RGS7BP: variants seen among roughly 807,000 people sequenced by gnomAD.
RGS7BP encodes regulator of G protein signaling 7 binding protein, also known as regulator of G protein signaling 7-binding protein.
In RGS7BP, 9 loss-of-function variants were observed where a neutral mutation model predicts 31.3. The ratio of observed to expected loss-of-function variants is 0.29; its 90% CI spans 0.17 to 0.50. RGS7BP has a LOEUF of 0.50. RGS7BP is among the 20% of genes least tolerant of loss of function. The pLI, the probability that RGS7BP is intolerant of heterozygous loss-of-function variation, is 0.98. For synonymous variants in RGS7BP, 115 were observed against 120.1 expected, an observed-to-expected ratio of 0.96 and a Z score of 0.28; for missense variants, 274 against 322.0, an observed-to-expected ratio of 0.85 and a Z score of 1.14.
intron 2 of RGS7BP, among the ~76,000 whole-genome samples, chr5:64,571,093 C>T (rs1001121868): frequency 6.6e-6 from 1 of 152,142 alleles, no homozygotes; most frequent in African/African-American, 2.4e-5. Context: ...TATGCCCCTT[C>T]TCAGTCAATT....
intron 2 of RGS7BP, among the ~76,000 whole-genome samples, chr5:64,533,542 C>G (rs536479107): frequency 6.6e-6 from 1 of 152,306 alleles, no homozygotes; most frequent in African/African-American, 2.4e-5. Flanking sequence ...GATCGAAGCC[C>G]TGCCCCTGAG....
chr5:64,547,114 G>A (rs950045863), intron 2 of RGS7BP, among the ~76,000 whole-genome samples: 9 of 152,122 alleles, frequency 5.9e-5, no homozygotes, highest in Admixed American at 3.3e-4. Context: ...GTATATATGT[G>A]TTACAATTTA....
intron 2 of RGS7BP, among the ~76,000 whole-genome samples, chr5:64,512,923 T>G (rs1748878132): frequency 6.6e-6 from 1 of 152,222 alleles, no homozygotes; most frequent in Non-Finnish European, 1.5e-5. Context: ...ATTTATAAAA[T>G]CTTTTGGCCT....
At chr5:64,520,989 G>T (rs1233141168) in intron 2 of RGS7BP, among the ~76,000 whole-genome samples, 1 of 152,212 alleles carries the variant, frequency 6.6e-6, no homozygotes, top group Non-Finnish European at 1.5e-5. Flanking sequence ...GAAATCCCTT[G>T]TCAATAAATC....
intron 2 of RGS7BP, among the ~76,000 whole-genome samples, chr5:64,513,627 C>T (rs959342402): frequency 1.3e-5 from 2 of 152,152 alleles, no homozygotes; most frequent in Non-Finnish European, 2.9e-5. Flanking sequence ...AAGAAGAGCT[C>T]GGTGACCATG....
At chr5:64,595,465 C>T (rs986340839) in intron 4 of RGS7BP, among the ~76,000 whole-genome samples, 3 of 152,040 alleles carry the variant, frequency 2.0e-5, no homozygotes, top group African/African-American at 7.2e-5. Context: ...TAGCTCACTT[C>T]TAGAGAGGCA....
chr5:64,558,678 G>A (rs1256855388), intron 2 of RGS7BP, among the ~76,000 whole-genome samples: 2 of 152,250 alleles, frequency 1.3e-5, no homozygotes, highest in South Asian at 4.1e-4. Flanking sequence ...GACTGCCTGG[G>A]AGCTAGGCAG....
intron 4 of RGS7BP, among the ~76,000 whole-genome samples, chr5:64,597,133 C>T (rs564501907): frequency 6.6e-6 from 1 of 152,080 alleles, no homozygotes; most frequent in Admixed American, 6.6e-5. Flanking sequence ...GCCCCTATGT[C>T]CTGGGGTCTC....
At chr5:64,517,084 G>T (rs1748997573) in intron 2 of RGS7BP, among the ~76,000 whole-genome samples, 1 of 150,558 alleles carries the variant, frequency 6.6e-6, no homozygotes, top group South Asian at 2.1e-4. Context: ...CATGAAACCA[G>T]ATGGTTCTGC....
chr5:64,561,416 A>G (rs892778873), intron 2 of RGS7BP, among the ~76,000 whole-genome samples: 1 of 152,260 alleles, frequency 6.6e-6, no homozygotes, highest in Admixed American at 6.5e-5. Flanking sequence ...TGGTAATGGT[A>G]TGTACCGGCT....
At chr5:64,547,250 T>C (rs530290321) in intron 2 of RGS7BP, among the ~76,000 whole-genome samples, 14 of 152,338 alleles carry the variant, frequency 9.2e-5, no homozygotes, top group Admixed American at 7.8e-4. Context: ...TAGGTAAATA[T>C]CTAGAAACAA....
intron 2 of RGS7BP, among the ~76,000 whole-genome samples, chr5:64,573,354 T>C (rs991471725): frequency 6.6e-6 from 1 of 152,142 alleles, no homozygotes; most frequent in Non-Finnish European, 1.5e-5. Flanking sequence ...ATGGTAGTCA[T>C]TTGTTTAAAT....
chr5:64,590,987 CA>C (rs1372938178), intron 3 of RGS7BP, among the ~76,000 whole-genome samples: 3 of 151,854 alleles, frequency 2.0e-5, no homozygotes, highest in Admixed American at 6.6e-5. Flanking sequence ...CTGAACATTT[CA>C]AAACTGTGCA....
chr5:64,523,755 T>C (rs1192956298), intron 2 of RGS7BP, among the ~76,000 whole-genome samples: 1 of 152,232 alleles, frequency 6.6e-6, no homozygotes, highest in Non-Finnish European at 1.5e-5. Context: ...TAATTAGCCT[T>C]AGGAACATGT....
At chr5:64,525,192 A>G (rs1021275130) in intron 2 of RGS7BP, among the ~76,000 whole-genome samples, 1 of 152,046 alleles carries the variant, frequency 6.6e-6, no homozygotes, top group Non-Finnish European at 1.5e-5. Context: ...CCAAGCAGAT[A>G]GGCGTATGCA....
intron 3 of RGS7BP, among the ~76,000 whole-genome samples, chr5:64,584,198 G>C (rs1337840309): frequency 6.6e-6 from 1 of 152,162 alleles, no homozygotes; most frequent in Non-Finnish European, 1.5e-5. Flanking sequence ...TTAATGATTA[G>C]TGAGCATATT....
intron 5 of RGS7BP, among the ~76,000 whole-genome samples, chr5:64,602,923 GA>G (rs1445117763): frequency 6.6e-6 from 1 of 152,110 alleles, no homozygotes; most frequent in African/African-American, 2.4e-5. Flanking sequence ...CAAAGAAATA[GA>G]AAAAAGATAG....
At chr5:64,575,747 C>A (rs1353393321) in intron 2 of RGS7BP, 27 bp from the exon 3 acceptor site, 3 of 1,590,254 alleles carry the variant, frequency 1.9e-6, no homozygotes, top group Non-Finnish European at 1.7e-6. Context: ...AGAATGTTCA[C>A]AGCTTTTCTC....
intron 2 of RGS7BP, among the ~76,000 whole-genome samples, chr5:64,509,462 C>T (rs531846912): frequency 6.6e-6 from 1 of 152,140 alleles, no homozygotes; most frequent in African/African-American, 2.4e-5. Flanking sequence ...GTCTATTTTG[C>T]GACACACACA....
Sources: gnomAD v4.1 joint callset for allele counts (sites outside exome capture counted in the v4.1 genomes callset) on GRCh38, gnomAD v4.1.1 for gene constraint, MANE v1.5 for transcripts, NCBI Gene and HGNC (gene_info 2026-07-23, HGNC 2026-07-21) for gene names.